The following SRPRB variants were observed in gnomAD, a reference collection of about 807,000 sequenced individuals.
SRPRB encodes SRP receptor subunit beta, also known as signal recognition particle receptor subunit beta.
In SRPRB, 20 loss-of-function variants were observed where a neutral mutation model predicts 31.9. That is an observed-to-expected ratio of 0.63 (90% confidence interval 0.44 to 0.91). The LOEUF (loss-of-function observed/expected upper bound fraction) is 0.91, where lower values mean the gene tolerates loss of function less well. Among genes scored for constraint, SRPRB ranks in the 40% least tolerant of loss-of-function variants. SRPRB has a pLI of 0.00. For synonymous variants in SRPRB, 146 were observed against 132.8 expected (o/e 1.10, Z -0.68); for missense variants, 321 against 324.9 (o/e 0.99, Z 0.09).
intron 1 of SRPRB, chr3:133,796,215 A>C (rs1234516207): frequency 6.5e-6 from 1 of 153,118 alleles, no homozygotes; most frequent in Non-Finnish European, 1.5e-5. Flanking sequence ...TCAAGGAGCT[A>C]CCCTGCCTTC....
chr3:133,828,513 AT>A (rs1027081812), downstream of SRPRB: 16 of 478,798 alleles, frequency 3.3e-5, 2 homozygotes, highest in South Asian at 4.4e-4. Flanking sequence ...CATGATTTAA[AT>A]TTTTTTTAAA....
chr3:133,802,245 A>G (rs955361080), upstream of SRPRB, among the ~76,000 whole-genome samples: 1 of 151,716 alleles, frequency 6.6e-6, no homozygotes, highest in African/African-American at 2.4e-5. Flanking sequence ...TCTCTACAAA[A>G]ATAAAAATAA....
chr3:133,818,293 CAT>C (rs773848521), intron 6 of SRPRB, among the ~76,000 whole-genome samples: 11 of 152,194 alleles, frequency 7.2e-5, no homozygotes, highest in South Asian at 2.1e-4. Flanking sequence ...GGTTAAAACA[CAT>C]GTTTTCCATA....
intron 1 of SRPRB, 80 bp downstream of exon 1, chr3:133,806,082 C>G: frequency 6.5e-7 from 1 of 1,538,710 alleles, no homozygotes; most frequent in Non-Finnish European, 8.8e-7. Flanking sequence ...AGGCCGGGGA[C>G]GCGGGGCTGA....
At chr3:133,800,652 A>G (rs764505059) in intron 1 of SRPRB, among the ~76,000 whole-genome samples, 12 of 152,362 alleles carry the variant, frequency 7.9e-5, no homozygotes, top group Non-Finnish European at 1.8e-4. Context: ...AGCAGATTCT[A>G]CTTTCTGAGA....
chr3:133,822,472 C>T (rs530896969), downstream of SRPRB, among the ~76,000 whole-genome samples: 14 of 152,256 alleles, frequency 9.2e-5, no homozygotes, highest in East Asian at 1.9e-4. Flanking sequence ...CTCTCCAGTC[C>T]GGGCCTTGGT....
rs759765791 is a variant in SRPRB at position 133,807,739 on chromosome 3, T to C, written c.250-7T>C. 3 of 1,607,348 alleles carry C rather than the reference T, an allele frequency of 1.9e-6. No individual in the cohort carries two copies. Among genetic ancestry groups the C allele is most frequent in the Admixed American group, 3.4e-5 (2 of 59,208 alleles). On this transcript the variant is annotated splice_polypyrimidine_tract_variant and splice_region_variant and intron_variant, in intron 2 of 6. Transcript: ENST00000678299. ...GTTGAATATCACCCATCTTGTTTTT[T>C]TTACAGTTGTTAACAGGCCTTTATA...
intron 1 of SRPRB, among the ~76,000 whole-genome samples, chr3:133,797,988 T>C (rs1935003821): frequency 2.0e-5 from 3 of 152,146 alleles, no homozygotes; most frequent in Admixed American, 2.0e-4. Flanking sequence ...ATCCAGAAGA[T>C]AGTGTGAGAT....
At position 133,791,675 on chromosome 3, in the gene SRPRB, G is replaced by A. The variant is rs1934840613; in HGVS notation, c.-174+7531G>A. 3 of 152,168 alleles carry A rather than the reference G, an allele frequency of 2.0e-5. No individual in the cohort carries two copies. In the South Asian group the frequency reaches 6.2e-4, roughly 32 times the overall value. 9.4% of individuals were successfully genotyped at this position (152,168 alleles called of 1,614,324 possible). On this transcript the variant is annotated intron_variant, in intron 1 of 7. Coordinates refer to the SRPRB transcript ENST00000466490. ...TGTGTGCTTAGGACCCCATAGACCT[G>A]CTGTTCAAGACACACCAGCAGACTG... is the stretch of plus-strand genomic sequence containing the variant.
chr3:133,827,988 C>T (rs909310561), downstream of SRPRB: 8 of 702,826 alleles, frequency 1.1e-5, no homozygotes, highest in Middle Eastern at 4.6e-4. Flanking sequence ...AACAGCACCT[C>T]GTCCTTCTGA....
chr3:133,823,392 C>G (rs1935505950), downstream of SRPRB, among the ~76,000 whole-genome samples: 1 of 152,162 alleles, frequency 6.6e-6, no homozygotes, highest in South Asian at 2.1e-4. Context: ...CCCCAAGTAG[C>G]TGGGATTACA....
chr3:133,806,723 C>A lies in SRPRB; in HGVS notation c.249+20C>A, dbSNP rs1260349168. ...GTCAGGGTAAATGATTTCATTGACACCCCTGTTAAGCTTAATAGAAAATTT... is the reference window on the plus strand; with the variant it reads ...GTCAGGGTAAATGATTTCATTGACAACCCTGTTAAGCTTAATAGAAAATTT... On this transcript the variant is annotated intron_variant, in intron 2 of 6. Transcript: ENST00000678299. 9 of 1,580,016 alleles carry A rather than the reference C, an allele frequency of 5.7e-6. No homozygotes were observed. The East Asian group carries it at 1.6e-4, about 27-fold the overall frequency.
chr3:133,818,784 C>CTGTG (rs1559893592), intron 6 of SRPRB, among the ~76,000 whole-genome samples: 9 of 85,140 alleles, frequency 1.1e-4, no homozygotes, highest in African/African-American at 1.5e-4. Flanking sequence ...AATACTTTTA[C>CTGTG]AGTGTGTGTG....
chr3:133,816,166 C>A (rs549686493), intron 5 of SRPRB, among the ~76,000 whole-genome samples: 2 of 152,254 alleles, frequency 1.3e-5, no homozygotes, highest in South Asian at 4.1e-4. Context: ...TTCTAGTAAT[C>A]CCCAATAAAA....
upstream of SRPRB, among the ~76,000 whole-genome samples, chr3:133,803,503 T>A (rs373157032): frequency 1.3e-5 from 2 of 152,164 alleles, no homozygotes; most frequent in African/African-American, 4.8e-5. Context: ...ATTGTTTACA[T>A]TTCCCCTGTG....
intron 1 of SRPRB, chr3:133,784,587 C>T (rs1359672032): frequency 6.6e-6 from 1 of 152,042 alleles, no homozygotes; most frequent in Non-Finnish European, 1.5e-5. Flanking sequence ...AGGAGCCACA[C>T]ATCCACGTTT....
At chr3:133,819,432 A>G in intron 6 of SRPRB, 121 bp from the exon 7 acceptor site, 1 of 865,794 alleles carries the variant, frequency 1.2e-6, no homozygotes, top group Non-Finnish European at 1.8e-6. Context: ...AACAATCTTA[A>G]TAGCATAATT....
At chr3:133,799,432 A>G (rs1935030123) in intron 1 of SRPRB, among the ~76,000 whole-genome samples, 1 of 152,244 alleles carries the variant, frequency 6.6e-6, no homozygotes, top group Admixed American at 6.5e-5. Flanking sequence ...TGTATAGTAT[A>G]TAATCATATA....
chr3:133,810,960 C>A, intron 3 of SRPRB, 157 bp from the exon 4 acceptor site: 1 of 643,986 alleles, frequency 1.6e-6, no homozygotes, highest in Non-Finnish European at 2.5e-6. Flanking sequence ...TGTTACATCC[C>A]CAGAACGTTG....
Sources: allele counts gnomAD v4.1 joint callset (sites outside exome capture counted in the v4.1 genomes callset), GRCh38; gene constraint gnomAD v4.1.1; transcripts MANE v1.5; gene names NCBI Gene and HGNC (gene_info 2026-07-23, HGNC 2026-07-21).